FLRT1: variants seen among roughly 807,000 people sequenced by gnomAD.
FLRT1 encodes fibronectin leucine rich transmembrane protein 1, also known as leucine-rich repeat transmembrane protein FLRT1.
FLRT1 carries 14 observed loss-of-function variants against 30.9 expected under a neutral mutation model. That is an observed-to-expected ratio of 0.45 (90% CI 0.30 to 0.71). The LOEUF is 0.71. Ranked by LOEUF, FLRT1 falls within the 30% of genes least tolerant of loss-of-function variation. The probability of loss-of-function intolerance (pLI) is 0.08; values close to 1 mark genes in which losing one functional copy is unlikely to be tolerated. For synonymous variants in FLRT1, 368 were observed against 430.4 expected (o/e 0.85, Z 1.80); for missense variants, 737 against 949.2 (o/e 0.78, Z 2.94).
intron 1 of FLRT1, among the ~76,000 whole-genome samples, chr11:64,048,717 CA>C (rs1026940769): frequency 2.6e-5 from 4 of 152,174 alleles, no homozygotes; most frequent in Non-Finnish European, 5.9e-5. Context: ...ATGAGAAAAC[CA>C]AGGCTCTGCA....
chr11:64,071,168 C>A (rs1377276822), intron 1 of FLRT1, among the ~76,000 whole-genome samples: 1 of 152,082 alleles, frequency 6.6e-6, no homozygotes, highest in Non-Finnish European at 1.5e-5. Context: ...AAATAACCTC[C>A]TCTAAGGCCC....
intron 1 of FLRT1, among the ~76,000 whole-genome samples, chr11:64,039,298 G>C (rs1040740266): frequency 2.6e-5 from 4 of 152,272 alleles, no homozygotes; most frequent in Non-Finnish European, 4.4e-5. Flanking sequence ...GGACTGCCCC[G>C]GGGGTAGCTT....
At chr11:64,101,631 T>G (rs929716836) in intron 1 of FLRT1, among the ~76,000 whole-genome samples, 1 of 152,188 alleles carries the variant, frequency 6.6e-6, no homozygotes, top group African/African-American at 2.4e-5. Context: ...GAAATTACAA[T>G]TTATAATTGG....
intron 1 of FLRT1, among the ~76,000 whole-genome samples, chr11:64,061,702 CTTT>C (rs35179984): frequency 2.8e-5 from 4 of 141,806 alleles, no homozygotes; most frequent in Admixed American, 1.4e-4. Context: ...GTAAATGAGA[CTTT>C]TTTTTTTTTT....
At chr11:64,111,787 T>C (rs1337991427) in intron 2 of FLRT1, among the ~76,000 whole-genome samples, 2 of 152,168 alleles carry the variant, frequency 1.3e-5, no homozygotes, top group Non-Finnish European at 2.9e-5. Context: ...TCTGGGCCAG[T>C]GTCCTTCCCA....
intron 2 of FLRT1, among the ~76,000 whole-genome samples, chr11:64,108,066 C>T (rs537856291): frequency 6.6e-6 from 1 of 152,146 alleles, no homozygotes; most frequent in Non-Finnish European, 1.5e-5. Flanking sequence ...GTAATCCCAG[C>T]ACTTTGGGAG....
chr11:64,050,752 GGGATTACA>G (rs1354732734), intron 1 of FLRT1, among the ~76,000 whole-genome samples: 1 of 152,186 alleles, frequency 6.6e-6, no homozygotes, highest in African/African-American at 2.4e-5. Flanking sequence ...CTGAGTAGCT[GGGATTACA>G]GGCGCATGCC....
At chr11:64,051,501 C>A (rs76077089) in intron 1 of FLRT1, among the ~76,000 whole-genome samples, 1,591 of 152,270 alleles carry the variant, frequency 0.01, 23 homozygotes, top group African/African-American at 0.036. Context: ...TCGGAAGCCT[C>A]GCTCCTGGCT....
At chr11:64,073,239 C>T (rs1417874202) in intron 1 of FLRT1, among the ~76,000 whole-genome samples, 1 of 152,246 alleles carries the variant, frequency 6.6e-6, no homozygotes, top group Non-Finnish European at 1.5e-5. Flanking sequence ...TTCAGAGATA[C>T]TTCTGGGTAC....
At position 64,036,555 on chromosome 11, in the gene FLRT1, C is replaced by T. The variant is rs893435782; in HGVS notation, c.-1038+396C>T. Among the ~76,000 whole-genome samples the T allele has an allele frequency of 6.6e-6, 1 of 152,170 alleles. No homozygotes were observed. Among genetic ancestry groups the T allele is most frequent in the African/African-American group, 2.4e-5 (1 of 41,458 alleles). On this transcript the variant is annotated intron_variant, in intron 1 of 2. Coordinates refer to ENST00000682287, the MANE Select transcript of FLRT1 (RefSeq NM_013280.5). The surrounding 1 kb of genome is among the most constrained non-coding windows in gnomAD (Gnocchi z 5.6). ...TCATGTGGGTCCCAGCTCCCGCACT[C>T]GGGAACCGGAGGAGGGCGCGCGGCC...
chr11:64,100,670 C>T (rs984902015), intron 1 of FLRT1, among the ~76,000 whole-genome samples: 2 of 152,194 alleles, frequency 1.3e-5, no homozygotes, highest in African/African-American at 4.8e-5. Flanking sequence ...ATTATGCGCC[C>T]ACACAAGGGA....
chr11:64,099,578 G>A (rs1206231821), intron 1 of FLRT1, among the ~76,000 whole-genome samples: 1 of 151,594 alleles, frequency 6.6e-6, no homozygotes, highest in Admixed American at 6.6e-5. Flanking sequence ...GTGAATAGAT[G>A]GACTGATGGA....
chr11:64,080,803 CG>C (rs2134490143), intron 1 of FLRT1, among the ~76,000 whole-genome samples: 1 of 152,186 alleles, frequency 6.6e-6, no homozygotes, highest in South Asian at 2.1e-4. Context: ...GCAGTGTCCT[CG>C]GGCTCAGTGA....
intron 1 of FLRT1, among the ~76,000 whole-genome samples, chr11:64,084,258 A>G (rs919195134): frequency 2.0e-5 from 3 of 152,074 alleles, no homozygotes; most frequent in Non-Finnish European, 2.9e-5. Flanking sequence ...CAAAGGTGAC[A>G]CGGCTATTTC....
Position 64,096,043 on chromosome 11 carries a change from C to T in FLRT1, c.-1037-7151C>T, listed in dbSNP as rs1280666066. On this transcript the variant is annotated intron_variant, in intron 1 of 2. Transcript: ENST00000682287. This position sits in a 1 kb window ranked among gnomAD's most constrained non-coding sequence, Gnocchi z 4.6. Reference sequence around the variant, plus strand: ...GCAGCCAGCACAGTGCTGCTTCAAACTGCCACTTGAGAGCTCCAGCGTGGG... The same window carrying T: ...GCAGCCAGCACAGTGCTGCTTCAAATTGCCACTTGAGAGCTCCAGCGTGGG... Among the ~76,000 whole-genome samples, 1 of 152,232 alleles carries T rather than the reference C, an allele frequency of 6.6e-6. No individual in the cohort carries two copies. Among genetic ancestry groups the T allele is most frequent in the African/African-American group, 2.4e-5 (1 of 41,466 alleles).
chr11:64,086,618 G>A lies in FLRT1; in HGVS notation c.-1037-16576G>A, dbSNP rs532672697. Among the ~76,000 whole-genome samples the A allele has an allele frequency of 2.2e-3, 330 of 152,234 alleles. 1 individual carries two copies. The highest frequency in any genetic ancestry group is 5.9e-3 in the African/African-American group (244 of 41,540). On this transcript the variant is annotated intron_variant, in intron 1 of 2. Transcript: ENST00000682287. ...TTCTGCGACTGGGGTGCTTTTTCCG[G>A]CCCCTGCAGCCCCACTTCTGTCTGA...
Position 64,036,083 on chromosome 11 carries a change from C to G in FLRT1, c.-1114C>G, listed in dbSNP as rs1253882218. On this transcript the variant is annotated 5_prime_UTR_variant, in exon 1 of 3. Coordinates refer to ENST00000682287, the MANE Select transcript of FLRT1 (RefSeq NM_013280.5). The surrounding 1 kb of genome is among the most constrained non-coding windows in gnomAD (Gnocchi z 5.6). ...CCTCCGGCTCTGGTTCCCGCCCGCTCCTTGGAATAACCCCTGAGGCTCCAG... is the reference window on the plus strand; with the variant it reads ...CCTCCGGCTCTGGTTCCCGCCCGCTGCTTGGAATAACCCCTGAGGCTCCAG... The G allele has an allele frequency of 1.3e-5, 2 of 151,718 alleles. No homozygotes were observed. Among genetic ancestry groups the G allele is most frequent in the African/African-American group, 4.8e-5 (2 of 41,322 alleles). 9.4% of individuals were successfully genotyped at this position (151,718 alleles called of 1,614,324 possible). A position where few individuals can be genotyped will look rare whatever the true frequency, so the allele number is the denominator to read the frequency against.
chr11:64,078,802 T>C (rs1379437261), intron 1 of FLRT1, among the ~76,000 whole-genome samples: 3 of 126,990 alleles, frequency 2.4e-5, no homozygotes, highest in African/African-American at 9.2e-5. Flanking sequence ...GAGGCCTCTC[T>C]GAGCAGGGGG....
Position 64,118,041 on chromosome 11 carries a change from C to A in FLRT1, c.1774C>A (p.Arg592=), listed in dbSNP as rs375487485. The A allele has an allele frequency of 5.3e-5, 85 of 1,613,480 alleles. No individual in the cohort carries two copies. In the Admixed American group the frequency reaches 1.4e-3, roughly 26 times the overall value. Residue 592 remains arginine, a synonymous_variant, in exon 3 of 3, where the codon CGG becomes AGG. Coordinates refer to ENST00000682287, the MANE Select transcript of FLRT1 (RefSeq NM_013280.5). ...GCTGACCCGGGAGAGGGCCTACAAC[C>A]GGGGCAGCAGGAAAAAGGATGACTA... ...ELLTRERAYN[R]GSRKKDDYME...
Sources: allele counts gnomAD v4.1 joint callset (sites outside exome capture counted in the v4.1 genomes callset), GRCh38; gene constraint gnomAD v4.1.1; non-coding constraint Gnocchi (gnomAD v3.1); transcripts MANE v1.5; gene names NCBI Gene and HGNC (gene_info 2026-07-23, HGNC 2026-07-21).